CDKL3: variants seen among roughly 807,000 people sequenced by gnomAD.
CDKL3 encodes cyclin dependent kinase like 3.
In CDKL3, 65 loss-of-function variants were observed where a neutral mutation model predicts 69.3. That is an observed-to-expected ratio of 0.94 (90% confidence interval 0.77 to 1.15). CDKL3 has a LOEUF of 1.15. Ranked by LOEUF, CDKL3 falls within the 50% of genes most tolerant of loss-of-function variation. CDKL3 has a pLI of 0.00. For missense variants in CDKL3, 652 were observed against 689.2 expected, an observed-to-expected ratio of 0.95 and a Z score of 0.61; for synonymous variants, 202 against 221.6, an observed-to-expected ratio of 0.91 and a Z score of 0.79.
At chr5:134,351,892 A>T (rs1753398375) in intron 3 of CDKL3, among the ~76,000 whole-genome samples, 1 of 152,214 alleles carries the variant, frequency 6.6e-6, no homozygotes, top group Non-Finnish European at 1.5e-5. Context: ...TCACATACTT[A>T]TTTTGTGGTG....
intron 4 of CDKL3, among the ~76,000 whole-genome samples, chr5:134,327,772 T>C (rs1043598861): frequency 6.6e-6 from 1 of 152,264 alleles, no homozygotes; most frequent in African/African-American, 2.4e-5. Flanking sequence ...CAAGGCAATG[T>C]TGAAAATAAT....
chr5:134,346,925 G>C (rs1027530307), intron 4 of CDKL3, among the ~76,000 whole-genome samples: 15 of 152,082 alleles, frequency 9.9e-5, no homozygotes, highest in African/African-American at 3.6e-4. Context: ...TCACCTGTTG[G>C]AGCCAATTCA....
intron 4 of CDKL3, among the ~76,000 whole-genome samples, chr5:134,327,187 G>A (rs1017778740): frequency 6.6e-6 from 1 of 151,988 alleles, no homozygotes; most frequent in African/African-American, 2.4e-5. Flanking sequence ...CTTCCAACCA[G>A]CCCCTGTTCA....
intron 2 of CDKL3, among the ~76,000 whole-genome samples, chr5:134,360,785 G>A (rs534102367): frequency 2.0e-5 from 3 of 152,150 alleles, no homozygotes; most frequent in South Asian, 2.1e-4. Context: ...ATTTCAACAC[G>A]ATTAAGTATG....
At chr5:134,346,109 G>A (rs1378735730) in intron 4 of CDKL3, among the ~76,000 whole-genome samples, 1 of 152,124 alleles carries the variant, frequency 6.6e-6, no homozygotes, top group African/African-American at 2.4e-5. Flanking sequence ...CCCAAAGCAA[G>A]CCATAAAACA....
chr5:134,297,809 C>T (rs1160739763), downstream of CDKL3, among the ~76,000 whole-genome samples: 4 of 149,322 alleles, frequency 2.7e-5, no homozygotes, highest in South Asian at 2.1e-4. Context: ...CTCAAACTCC[C>T]GACCTCAGGT....
intron 8 of CDKL3, among the ~76,000 whole-genome samples, chr5:134,290,667 T>C (rs1458565565): frequency 6.6e-6 from 1 of 152,054 alleles, no homozygotes; most frequent in Non-Finnish European, 1.5e-5. Context: ...ATGAGGGTTT[T>C]GGGCAGAGCA....
chr5:134,294,457 C>T (rs1303905364), downstream of CDKL3, among the ~76,000 whole-genome samples: 3 of 152,160 alleles, frequency 2.0e-5, no homozygotes, highest in Non-Finnish European at 4.4e-5. Context: ...CAAATGTCCA[C>T]TGTCATGACT....
At chr5:134,355,164 C>T (rs921502744) in intron 3 of CDKL3, among the ~76,000 whole-genome samples, 1 of 140,626 alleles carries the variant, frequency 7.1e-6, no homozygotes, top group African/African-American at 2.6e-5. Flanking sequence ...ACCTGGGAGG[C>T]GGAGGTTGCA....
intron 4 of CDKL3, among the ~76,000 whole-genome samples, chr5:134,334,498 T>C (rs1395627605): frequency 6.6e-6 from 1 of 152,224 alleles, no homozygotes; most frequent in Admixed American, 6.5e-5. Context: ...GTCCCAGAGA[T>C]TCTGGTATGT....
rs900826507 is a variant in CDKL3 at position 134,346,796 on chromosome 5, G to A, written c.539+3453C>T. Among the ~76,000 whole-genome samples, 8 of 151,980 alleles carry A rather than the reference G, an allele frequency of 5.3e-5. No homozygotes were observed. In the East Asian group the frequency reaches 5.8e-4, roughly 11 times the overall value. ...CAGGCATGAGCCACCGTGCCCAGCC[G>A]GGAAAAGGTATTATCTTTTTGCCCC... On this transcript the variant is annotated intron_variant, in intron 4 of 12. Transcript: ENST00000265334.
At chr5:134,284,197 T>C (rs572142525), downstream of CDKL3, among the ~76,000 whole-genome samples, 3 of 152,300 alleles carry the variant, frequency 2.0e-5, no homozygotes, top group South Asian at 6.2e-4. Flanking sequence ...GTAGGTTCTT[T>C]TCTATTTTCC....
rs1181935695 is a variant in CDKL3 at position 134,326,862 on chromosome 5, TATATAC to T, written c.540-4965_540-4960del. 5.1e-4 allele frequency among the ~76,000 whole-genome samples: 50 copies of T among 98,542 alleles called. 1 individual carries two copies. The highest frequency in any genetic ancestry group is 3.1e-3 in the African/African-American group (50 of 15,928). The allele number at this position is 98,542 out of a possible 152,430, so 64.6% of individuals were successfully genotyped here. A position where few individuals can be genotyped will look rare whatever the true frequency, so the allele number is the denominator to read the frequency against. On this transcript the variant is annotated intron_variant, in intron 4 of 12. Transcript: ENST00000265334. ...ATATATATATATATATATATATATA[TATATAC>T]ACACACACACATAGTCCTTATAGTC...
chr5:134,330,718 G>T (rs1561573256), intron 4 of CDKL3, among the ~76,000 whole-genome samples: 2 of 149,768 alleles, frequency 1.3e-5, no homozygotes, highest in East Asian at 3.9e-4. Flanking sequence ...CTGTCTGAAA[G>T]AAAAAAAAAC....
downstream of CDKL3, among the ~76,000 whole-genome samples, chr5:134,284,939 C>T (rs1000111366): frequency 2.6e-5 from 4 of 152,274 alleles, no homozygotes; most frequent in Admixed American, 6.5e-5. Context: ...GTGCAGTTAA[C>T]GCAATCATCA....
In CDKL3 at chr5:134,308,172, T is replaced by C. The variant is rs1405189076; in HGVS notation, c.1330A>G (p.Asn444Asp). ...NLTNSNLMAANLSSNLFHPSV... is the reference protein window; with the variant it reads ...NLTNSNLMAADLSSNLFHPSV... ...GGGTGAAAGAGATTTGAACTGAGAT[T>C]TGCAGCCATCAAATTACTGTTAGTT... Residue 444 changes from asparagine to aspartate, a missense_variant, in exon 9 of 13, where the codon AAT (asparagine) becomes GAT (aspartate). Asn to Asp is a conservative substitution (Grantham distance 23). Coordinates refer to ENST00000265334, the MANE Select transcript of CDKL3 (RefSeq NM_001113575.2). 1 of 1,613,526 alleles carries C rather than the reference T, an allele frequency of 6.2e-7. No homozygotes were observed. Among genetic ancestry groups the C allele is most frequent in the African/African-American group, 1.3e-5 (1 of 74,936 alleles).
chr5:134,283,743 C>G (rs186752725), downstream of CDKL3, among the ~76,000 whole-genome samples: 10 of 152,196 alleles, frequency 6.6e-5, no homozygotes, highest in East Asian at 1.2e-3. Context: ...TCAGCATTAA[C>G]TCAAAAGTCT....
chr5:134,344,667 T>A (rs976259295), intron 4 of CDKL3, among the ~76,000 whole-genome samples: 2 of 152,162 alleles, frequency 1.3e-5, no homozygotes, highest in Non-Finnish European at 2.9e-5. Context: ...CTCACACCTA[T>A]CATCCTAACA....
At chr5:134,327,662 T>C (rs2149510384) in intron 4 of CDKL3, among the ~76,000 whole-genome samples, 1 of 152,276 alleles carries the variant, frequency 6.6e-6, no homozygotes, top group African/African-American at 2.4e-5. Context: ...TAGGAGATGC[T>C]TTCCTGGGGC....
Sources: gnomAD v4.1 joint callset for allele counts (sites outside exome capture counted in the v4.1 genomes callset) on GRCh38, gnomAD v4.1.1 for gene constraint, MANE v1.5 for transcripts, NCBI Gene and HGNC (gene_info 2026-07-23, HGNC 2026-07-21) for gene names.